GLP2R: variants seen among roughly 807,000 people sequenced by gnomAD.
GLP2R encodes the protein glucagon-like peptide 2 receptor.
GLP2R carries 59 observed loss-of-function variants against 68.2 expected under a neutral mutation model. The observed-to-expected ratio is 0.87, with a 90% CI of 0.70 to 1.07. The LOEUF (loss-of-function observed/expected upper bound fraction) is 1.07, where lower values mean the gene tolerates loss of function less well. GLP2R is among the 50% of genes least tolerant of loss of function. The pLI, the probability that GLP2R is intolerant of heterozygous loss-of-function variation, is 0.00. For synonymous variants in GLP2R, 270 were observed against 265.4 expected (o/e 1.02, Z -0.17); for missense variants, 548 against 677.4 (o/e 0.81, Z 2.12).
rs1295288028 is a variant in GLP2R, at chr17:9,870,742, T to G, written c.1057-5T>G. 1 of 1,439,088 alleles carries G rather than the reference T, an allele frequency of 6.9e-7. No individual in the cohort carries two copies. The highest frequency in any genetic ancestry group is 9.8e-7 in the Non-Finnish European group (1 of 1,019,706). 89.1% of individuals were successfully genotyped at this position (1,439,088 alleles called of 1,614,324 possible). On this transcript the variant is annotated splice_region_variant and splice_polypyrimidine_tract_variant and intron_variant, in intron 9 of 12. Transcript: ENST00000262441. The stretch of plus-strand genomic sequence containing the variant: ...TACTTACCCAATTCTGCTCTTTTTT[T>G]CAAGGTCAATTTCTTCATCTTCCTG...
intron 3 of GLP2R, among the ~76,000 whole-genome samples, chr17:9,840,264 C>T (rs186011878): frequency 1.5e-3 from 227 of 152,320 alleles, no homozygotes; most frequent in Non-Finnish European, 2.0e-3. Context: ...CGTGAGCCAC[C>T]GCACCCGGCC....
intron 10 of GLP2R, among the ~76,000 whole-genome samples, chr17:9,879,309 AT>A (rs1331316772): frequency 1.2e-5 from 1 of 83,528 alleles, no homozygotes; most frequent in Non-Finnish European, 2.7e-5. Flanking sequence ...ATAAAATAAA[AT>A]AAAATAAAAT....
chr17:9,836,072 A>G (rs2066728096), intron 2 of GLP2R, among the ~76,000 whole-genome samples: 1 of 151,474 alleles, frequency 6.6e-6, no homozygotes. Context: ...AAAGAAAGAA[A>G]GTTTAGTTCA....
At chr17:9,870,974 A>T (rs1597397400) in intron 10 of GLP2R, 139 bp downstream of exon 10, 1 of 602,464 alleles carries the variant, frequency 1.7e-6, no homozygotes, top group East Asian at 2.7e-5. Context: ...GTGCTATAGG[A>T]TCAAGTGAGG....
At chr17:9,862,474 A>G (rs1403175500) in intron 9 of GLP2R, among the ~76,000 whole-genome samples, 4 of 152,224 alleles carry the variant, frequency 2.6e-5, no homozygotes, top group African/African-American at 9.6e-5. Context: ...GAAGAGACTA[A>G]GGGAACTTCT....
intron 4 of GLP2R, among the ~76,000 whole-genome samples, chr17:9,851,858 A>G (rs2066894227): frequency 6.6e-6 from 1 of 152,156 alleles, no homozygotes; most frequent in Admixed American, 6.5e-5. Flanking sequence ...AATCAAAAAC[A>G]GTAAGTTGCT....
intron 3 of GLP2R, among the ~76,000 whole-genome samples, chr17:9,837,107 C>T (rs770458000): frequency 1.3e-5 from 2 of 152,042 alleles, no homozygotes; most frequent in South Asian, 2.1e-4. Flanking sequence ...CACCCGCCTC[C>T]GCCTCCCAAA....
At chr17:9,887,855 C>A in intron 11 of GLP2R, 77 bp from the exon 12 acceptor site, 2 of 1,028,802 alleles carry the variant, frequency 1.9e-6, no homozygotes, top group Non-Finnish European at 3.1e-6. Context: ...CTGTGCAGGG[C>A]TTTGGACGTT....
At position 9,833,815 on chromosome 17, in the gene GLP2R, A is replaced by T. The variant is rs1273548618; in HGVS notation, c.198A>T (p.Gly66=). Residue 66 remains glycine, a synonymous_variant, in exon 2 of 13, where the codon GGA becomes GGT. Coordinates refer to ENST00000262441, the MANE Select transcript of GLP2R (RefSeq NM_004246.3). The stretch of plus-strand genomic sequence containing the variant: ...TGTTTTTGTTTGCTCAGGTTACAGG[A>T]TCCCTCCTTGAGGAAACGACTCGGA... The part of the protein sequence containing the change: ...VLLVSIKQVT[G]SLLEETTRKW... 6.2e-7 allele frequency: 1 copy of T among 1,610,116 alleles called. No homozygotes were observed. The highest frequency in any genetic ancestry group is 8.5e-7 in the Non-Finnish European group (1 of 1,176,914).
intron 11 of GLP2R, among the ~76,000 whole-genome samples, chr17:9,882,440 G>A (rs1597405003): frequency 6.6e-6 from 1 of 152,206 alleles, no homozygotes; most frequent in East Asian, 1.9e-4. Flanking sequence ...TATTTCTCAG[G>A]TTGACTGGAA....
At chr17:9,876,318 G>A (rs1330395946) in intron 10 of GLP2R, among the ~76,000 whole-genome samples, 1 of 152,192 alleles carries the variant, frequency 6.6e-6, no homozygotes, top group East Asian at 1.9e-4. Flanking sequence ...AGATTAACAG[G>A]AGAAAAAGCA....
Position 9,842,570 on chromosome 17 carries a change from G to A in GLP2R, c.458G>A (p.Trp153Ter), listed in dbSNP as rs373954728. ...ACGATAGAGAACGCCACGGATATTTGGCAGGATGACTCCGAATGCTCCGAG... is the reference window on the plus strand; with the variant it reads ...ACGATAGAGAACGCCACGGATATTTAGCAGGATGACTCCGAATGCTCCGAG... Reference protein sequence around the residue: ...WQTIENATDIWQDDSECSENH... With the variant: ...WQTIENATDI Residue 153 changes from tryptophan to a stop codon, truncating the protein, a stop_gained, in exon 4 of 13, where the codon TGG becomes TAG. Transcript: ENST00000262441. LOFTEE classifies it high-confidence loss of function. 1 of 1,614,108 alleles carries A rather than the reference G, an allele frequency of 6.2e-7. No individual in the cohort carries two copies. Among genetic ancestry groups the A allele is most frequent in the Non-Finnish European group, 8.5e-7 (1 of 1,180,020 alleles).
intron 6 of GLP2R, among the ~76,000 whole-genome samples, chr17:9,857,854 G>A (rs144262987): frequency 1.9e-4 from 29 of 152,312 alleles, no homozygotes; most frequent in African/African-American, 6.5e-4. Context: ...CCAGATCAAC[G>A]TATTTTACAA....
chr17:9,835,814 G>T (rs2066724184), intron 2 of GLP2R, among the ~76,000 whole-genome samples: 1 of 151,978 alleles, frequency 6.6e-6, no homozygotes, highest in South Asian at 2.1e-4. Context: ...GCCGAGGTGG[G>T]CAGCTAACTT....
At chr17:9,886,452 C>T (rs937870000) in intron 11 of GLP2R, among the ~76,000 whole-genome samples, 1 of 152,190 alleles carries the variant, frequency 6.6e-6, no homozygotes, top group African/African-American at 2.4e-5. Context: ...CTATTTTAGC[C>T]AACTTGTTTG....
At chr17:9,886,539 C>T (rs756988223) in intron 11 of GLP2R, among the ~76,000 whole-genome samples, 15 of 152,348 alleles carry the variant, frequency 9.8e-5, no homozygotes, top group Middle Eastern at 6.8e-3. Flanking sequence ...TCCCGCCAAC[C>T]GCATAGGGCA....
chr17:9,826,322 G>A, intron 1 of GLP2R, 70 bp downstream of exon 1: 1 of 1,120,456 alleles, frequency 8.9e-7, no homozygotes, highest in Non-Finnish European at 1.2e-6. Flanking sequence ...AAGCAATTTA[G>A]GCCTCATGTA....
intron 11 of GLP2R, among the ~76,000 whole-genome samples, chr17:9,885,965 T>G (rs1371371837): frequency 1.3e-5 from 2 of 152,096 alleles, no homozygotes; most frequent in Non-Finnish European, 2.9e-5. Flanking sequence ...CTCTGCAGGG[T>G]GTTTTGTACC....
chr17:9,827,646 G>C (rs1419435370), intron 1 of GLP2R, among the ~76,000 whole-genome samples: 1 of 152,122 alleles, frequency 6.6e-6, no homozygotes, highest in Non-Finnish European at 1.5e-5. Flanking sequence ...AGTTCCACTT[G>C]TCTGAATAAC....
Sources: allele counts gnomAD v4.1 joint callset (sites outside exome capture counted in the v4.1 genomes callset), GRCh38; gene constraint gnomAD v4.1.1; transcripts MANE v1.5; gene names NCBI Gene and HGNC (gene_info 2026-07-23, HGNC 2026-07-21).